Variants in MAP2 observed in about 807,000 individuals in gnomAD.
MAP2 encodes microtubule-associated protein 2.
In MAP2, 14 loss-of-function variants were observed where a neutral mutation model predicts 137.6. The observed-to-expected ratio is 0.10, with a 90% CI of 0.07 to 0.16. The LOEUF (loss-of-function observed/expected upper bound fraction) is 0.16, where lower values mean the gene tolerates loss of function less well. MAP2 is among the 10% of genes least tolerant of loss of function. MAP2 has a pLI of 1.00. For missense variants in MAP2, 2,088 were observed against 2,191.5 expected (o/e 0.95, Z 0.94); for synonymous variants, 786 against 782.3 (o/e 1.00, Z -0.08).
At chr2:209,692,329 G>C (rs532913159) in intron 7 of MAP2, among the ~76,000 whole-genome samples, 1 of 121,078 alleles carries the variant, frequency 8.3e-6, no homozygotes, top group Non-Finnish European at 1.8e-5. Flanking sequence ...ATAATGTTTA[G>C]GAGAGACCAA....
At chr2:209,489,648 A>G (rs1198023168) in intron 1 of MAP2, among the ~76,000 whole-genome samples, 2 of 152,224 alleles carry the variant, frequency 1.3e-5, no homozygotes, top group Admixed American at 1.3e-4. Flanking sequence ...TGAAGCATAC[A>G]CAAGTATCAG....
At position 209,475,913 on chromosome 2, in the gene MAP2, G is replaced by A. The variant is rs1707098459; in HGVS notation, c.-221-31679G>A. Among the ~76,000 whole-genome samples, 3 of 152,126 alleles carry A rather than the reference G, an allele frequency of 2.0e-5. No individual in the cohort carries two copies. The South Asian group carries it at 6.2e-4, about 31-fold the overall frequency. ...AAATTTCTTTTCTCTAGGAAAAACT[G>A]ATGAGAGGTCAGTTGGTACATGCTG... On this transcript the variant is annotated intron_variant, in intron 1 of 15. Coordinates refer to ENST00000682079, the MANE Select transcript of MAP2 (RefSeq NM_001375505.1).
chr2:209,656,580 A>G (rs897741587), intron 5 of MAP2, among the ~76,000 whole-genome samples: 4 of 152,124 alleles, frequency 2.6e-5, no homozygotes, highest in African/African-American at 4.8e-5. Context: ...CATAAAAAGA[A>G]TTATTTGCTC....
intron 2 of MAP2, among the ~76,000 whole-genome samples, chr2:209,561,128 G>A (rs753744630): frequency 3.3e-5 from 5 of 152,164 alleles, no homozygotes; most frequent in African/African-American, 9.7e-5. Context: ...GATTTTACAC[G>A]TCCTCTTTTC....
At chr2:209,638,361 C>T (rs2093733390) in intron 4 of MAP2, among the ~76,000 whole-genome samples, 1 of 152,058 alleles carries the variant, frequency 6.6e-6, no homozygotes. Context: ...TTCCTTTTGG[C>T]CCAACTCAAC....
chr2:209,457,421 T>C (rs1402381569), intron 1 of MAP2, among the ~76,000 whole-genome samples: 1 of 152,202 alleles, frequency 6.6e-6, no homozygotes, highest in Non-Finnish European at 1.5e-5. Flanking sequence ...CCTACGTTAT[T>C]GCTCATTTTT....
At chr2:209,554,622 T>C (rs1040202291) in intron 2 of MAP2, among the ~76,000 whole-genome samples, 2 of 152,010 alleles carry the variant, frequency 1.3e-5, no homozygotes. Context: ...GCGTTGTCTC[T>C]ACAAAAATAC....
intron 12 of MAP2, among the ~76,000 whole-genome samples, chr2:209,706,639 A>G (rs975047365): frequency 6.6e-6 from 1 of 151,978 alleles, no homozygotes; most frequent in Non-Finnish European, 1.5e-5. Context: ...TGTCTTTTCT[A>G]CATTTATTGG....
intron 2 of MAP2, among the ~76,000 whole-genome samples, chr2:209,524,060 C>T (rs1028288543): frequency 6.6e-5 from 10 of 151,778 alleles, no homozygotes; most frequent in Non-Finnish European, 1.2e-4. Context: ...TTAAATGCAG[C>T]GAAACAATTT....
chr2:209,473,764 A>G (rs906360446), intron 1 of MAP2, among the ~76,000 whole-genome samples: 1 of 152,164 alleles, frequency 6.6e-6, no homozygotes, highest in Non-Finnish European at 1.5e-5. Context: ...TGAAGTAACT[A>G]ATGAAAAATT....
chr2:209,691,983 A>G (rs1318246071), intron 7 of MAP2, among the ~76,000 whole-genome samples: 4 of 152,198 alleles, frequency 2.6e-5, no homozygotes, highest in Non-Finnish European at 5.9e-5. Flanking sequence ...ATTTACTTAT[A>G]TTTCTGAAAT....
At chr2:209,565,942 G>T (rs115024720) in intron 2 of MAP2, among the ~76,000 whole-genome samples, 2,658 of 152,276 alleles carry the variant, frequency 0.017, 87 homozygotes, top group African/African-American at 0.06. Context: ...TCTAAGCAAA[G>T]ATTTTTTTAA....
At chr2:209,477,293 T>C (rs1006952290) in intron 1 of MAP2, among the ~76,000 whole-genome samples, 1 of 152,058 alleles carries the variant, frequency 6.6e-6, no homozygotes, top group Non-Finnish European at 1.5e-5. Context: ...TTGTAACTGC[T>C]TGTCAATCTT....
chr2:209,429,042 C>T lies in MAP2; in HGVS notation c.-222+4766C>T, dbSNP rs184177087. 3.9e-3 allele frequency among the ~76,000 whole-genome samples: 588 copies of T among 152,168 alleles called. 4 individuals are homozygous for T. The highest frequency in any genetic ancestry group is 0.013 in the African/African-American group (557 of 41,548). On this transcript the variant is annotated intron_variant, in intron 1 of 15. Coordinates refer to ENST00000682079, the MANE Select transcript of MAP2 (RefSeq NM_001375505.1). Reference sequence around the variant, plus strand: ...CATCTCGGCTCACTGCAAGCTCCGCCCCCCGGGTTCACGCCATTCTCCTGC... The same window carrying T: ...CATCTCGGCTCACTGCAAGCTCCGCTCCCCGGGTTCACGCCATTCTCCTGC...
intron 2 of MAP2, among the ~76,000 whole-genome samples, chr2:209,544,062 T>C (rs1408000642): frequency 6.6e-6 from 1 of 152,088 alleles, no homozygotes; most frequent in Non-Finnish European, 1.5e-5. Context: ...ACCCTGTCTC[T>C]ACTAAAAATA....
intron 1 of MAP2, among the ~76,000 whole-genome samples, chr2:209,479,821 C>T (rs1053517457): frequency 6.6e-6 from 1 of 152,016 alleles, no homozygotes; most frequent in Non-Finnish European, 1.5e-5. Context: ...TAAATTATAA[C>T]TTTCTTCAGC....
At chr2:209,680,368 G>A (rs2054030128) in intron 6 of MAP2, among the ~76,000 whole-genome samples, 1 of 152,080 alleles carries the variant, frequency 6.6e-6, no homozygotes, top group Non-Finnish European at 1.5e-5. Flanking sequence ...GTCAGTAGCT[G>A]AATCCAGACT....
chr2:209,616,240 C>G (rs1436523045), intron 3 of MAP2, among the ~76,000 whole-genome samples: 1 of 152,282 alleles, frequency 6.6e-6, no homozygotes, highest in Non-Finnish European at 1.5e-5. Flanking sequence ...GCATCACTGG[C>G]CCGGGGTCCC....
intron 3 of MAP2, among the ~76,000 whole-genome samples, chr2:209,611,974 T>C (rs2087059233): frequency 6.6e-6 from 1 of 152,118 alleles, no homozygotes; most frequent in Non-Finnish European, 1.5e-5. Flanking sequence ...AATAAGTGGA[T>C]AAATAAAACT....
Sources: allele counts gnomAD v4.1 joint callset (sites outside exome capture counted in the v4.1 genomes callset), GRCh38; gene constraint gnomAD v4.1.1; transcripts MANE v1.5; gene names NCBI Gene and HGNC (gene_info 2026-07-23, HGNC 2026-07-21).